TRMT44: variants seen among roughly 807,000 people sequenced by gnomAD.
TRMT44 encodes the protein probable tRNA (uracil-O(2)-)-methyltransferase.
In TRMT44, 78 loss-of-function variants were observed where a neutral mutation model predicts 77.3. The observed-to-expected ratio is 1.01, with a 90% CI of 0.84 to 1.22. The LOEUF (loss-of-function observed/expected upper bound fraction) is 1.22, where lower values mean the gene tolerates loss of function less well. Among genes scored for constraint, TRMT44 ranks in the 50% most tolerant of loss-of-function variants. TRMT44 has a pLI of 0.00. For synonymous variants in TRMT44, 391 were observed against 383.3 expected (o/e 1.02, Z -0.23); for missense variants, 1,090 against 964.4 (o/e 1.13, Z -1.73).
At position 8,441,572 on chromosome 4, in the gene TRMT44, G is replaced by C. The variant is rs2109071049; in HGVS notation, c.619+131G>C. The stretch of plus-strand genomic sequence containing the variant: ...TAGGGAGGTTGTTAGGTGTTTCATA[G>C]TTTTTTGAGTGGGCGCATAGAAATG... On this transcript the variant is annotated intron_variant, in intron 1 of 10. Transcript: ENST00000389737. 13 of 1,074,988 alleles carry C rather than the reference G, an allele frequency of 1.2e-5. 1 individual carries two copies. Among genetic ancestry groups the C allele is most frequent in the Non-Finnish European group, 1.6e-5 (13 of 792,900 alleles). 66.6% of individuals were successfully genotyped at this position (1,074,988 alleles called of 1,614,324 possible).
downstream of TRMT44, among the ~76,000 whole-genome samples, chr4:8,494,848 G>T (rs1728105866): frequency 6.6e-6 from 1 of 151,988 alleles, no homozygotes. Context: ...GGGATAAAAT[G>T]GGAGGCAGGT....
intron 2 of TRMT44, among the ~76,000 whole-genome samples, chr4:8,491,262 G>T (rs967339130): frequency 6.6e-6 from 1 of 152,192 alleles, no homozygotes. Context: ...TAAATACAGG[G>T]TGCTGATTGG....
chr4:8,490,905 G>A (rs138949920), intron 2 of TRMT44, among the ~76,000 whole-genome samples: 5 of 152,030 alleles, frequency 3.3e-5, no homozygotes, highest in South Asian at 2.1e-4. Context: ...GGTTCTCCAC[G>A]TCCCCATCAG....
rs373397521 is a variant in TRMT44 at position 8,489,687 on chromosome 4, A to G, written n.3892-3579A>G. Among the ~76,000 whole-genome samples the G allele has an allele frequency of 1.1e-4, 16 of 152,334 alleles. No homozygotes were observed. In the East Asian group the frequency reaches 2.9e-3, roughly 28 times the overall value. ...GAGATGGGGTTTCACCATGTTGGCC[A>G]GGCTGGTCTCAAACTCCTGACCTCA... On this transcript the variant is annotated intron_variant and non_coding_transcript_variant, in intron 2 of 2. Transcript: ENST00000511366.
downstream of TRMT44, chr4:8,479,384 C>T (rs1347464056): frequency 2.0e-5 from 3 of 152,036 alleles, no homozygotes. Flanking sequence ...TTTCATCATC[C>T]TGCAACATCA....
chr4:8,449,018 ATTG>A (rs1405460415), intron 2 of TRMT44, among the ~76,000 whole-genome samples: 2 of 152,092 alleles, frequency 1.3e-5, no homozygotes, highest in Non-Finnish European at 2.9e-5. Context: ...TGGACAGTGT[ATTG>A]TTATCTGGGT....
Position 8,440,903 on chromosome 4 carries a change from G to A in TRMT44, c.81G>A (p.Trp27Ter), listed in dbSNP as rs1255478712. The change falls in exon 1 of 11, where the codon TGG becomes TGA. Residue 27 changes from tryptophan (W) to a stop codon, truncating the protein, a stop_gained. Coordinates refer to ENST00000389737, the MANE Select transcript of TRMT44 (RefSeq NM_152544.3). LOFTEE classifies it high-confidence loss of function. The part of the protein sequence containing the change: ...PQGFWAAVEV[W>*]LERPQVANKR... ...GCTTCTGGGCTGCGGTCGAAGTGTGGCTGGAGAGGCCGCAGGTGGCAAACA... is the reference window on the plus strand; with the variant it reads ...GCTTCTGGGCTGCGGTCGAAGTGTGACTGGAGAGGCCGCAGGTGGCAAACA... 6.5e-7 allele frequency: 1 copy of A among 1,530,374 alleles called. No homozygotes were observed. The highest frequency in any genetic ancestry group is 2.0e-5 in the Admixed American group (1 of 50,770). 94.8% of individuals were successfully genotyped at this position (1,530,374 alleles called of 1,614,324 possible).
At chr4:8,471,413 G>A (rs138548548) in intron 10 of TRMT44, among the ~76,000 whole-genome samples, 20 of 152,248 alleles carry the variant, frequency 1.3e-4, no homozygotes, top group Admixed American at 3.9e-4. Flanking sequence ...TCTGGACCTC[G>A]TCCCATGCGA....
intron 2 of TRMT44, among the ~76,000 whole-genome samples, chr4:8,485,319 G>C (rs886518375): frequency 6.6e-6 from 1 of 152,156 alleles, no homozygotes. Flanking sequence ...AAGAATGTAC[G>C]GGTTGGGCAC....
the TRMT44 span, among the ~76,000 whole-genome samples, chr4:8,515,380 G>A: frequency 0.31 from 47,631 of 152,200 alleles, 7,722 homozygotes; most frequent in South Asian, 0.44. Flanking sequence ...GAAGGGCAGC[G>A]GTGAACAGCT....
At chr4:8,483,220 C>T (rs1487217213) in intron 2 of TRMT44, among the ~76,000 whole-genome samples, 1 of 152,164 alleles carries the variant, frequency 6.6e-6, no homozygotes, top group Admixed American at 6.5e-5. Flanking sequence ...CAGCATAGTC[C>T]TGCCAGCAAA....
downstream of TRMT44, among the ~76,000 whole-genome samples, chr4:8,497,946 G>T (rs1341914111): frequency 6.6e-6 from 1 of 152,192 alleles, no homozygotes; most frequent in East Asian, 1.9e-4. Context: ...AAAATCCCAG[G>T]GGCAGGGAGC....
the TRMT44 span, among the ~76,000 whole-genome samples, chr4:8,515,105 A>G: frequency 6.6e-6 from 1 of 152,128 alleles, no homozygotes; most frequent in Non-Finnish European, 1.5e-5. Flanking sequence ...AGCTGGGACT[A>G]CAGACGTGTG....
chr4:8,476,892 C>A (rs80022810), downstream of TRMT44: 1 of 152,038 alleles, frequency 6.6e-6, no homozygotes, highest in Non-Finnish European at 1.5e-5. Context: ...TGTAGATGCA[C>A]GCCACCATGC....
rs79205028 is a variant in TRMT44, at chr4:8,469,618, C to T, written c.1927+1272C>T. On this transcript the variant is annotated intron_variant, in intron 9 of 10. Coordinates refer to ENST00000389737, the MANE Select transcript of TRMT44 (RefSeq NM_152544.3). ...GAGGAACAGACCTGGAGATGGAGAG[C>T]GGGGATGGGTGAGCGGTGGGCTCAG... is the stretch of plus-strand genomic sequence containing the variant. Among the ~76,000 whole-genome samples, 406 of 152,270 alleles carry T rather than the reference C, an allele frequency of 2.7e-3. 18 individuals carry two copies. In the East Asian group the frequency reaches 0.064, roughly 24 times the overall value.
chr4:8,474,796 G>C (rs1052739590), intron 10 of TRMT44, among the ~76,000 whole-genome samples: 11 of 152,128 alleles, frequency 7.2e-5, no homozygotes, highest in African/African-American at 2.7e-4. Context: ...ACAAGGAAAC[G>C]GCCAAATGGG....
At chr4:8,443,145 C>A (rs1162078468) in intron 1 of TRMT44, among the ~76,000 whole-genome samples, 1 of 152,126 alleles carries the variant, frequency 6.6e-6, no homozygotes, top group Non-Finnish European at 1.5e-5. Flanking sequence ...GTCCTCTCCT[C>A]CAGGGGGCCT....
chr4:8,464,294 A>G (rs1474094668), intron 7 of TRMT44, among the ~76,000 whole-genome samples: 1 of 152,256 alleles, frequency 6.6e-6, no homozygotes, highest in Non-Finnish European at 1.5e-5. Context: ...ACCTTTTAAA[A>G]TATGACTACT....
chr4:8,469,158 A>G (rs1173384373), intron 9 of TRMT44, among the ~76,000 whole-genome samples: 2 of 152,204 alleles, frequency 1.3e-5, no homozygotes, highest in Non-Finnish European at 2.9e-5. Context: ...CTCTTGTACC[A>G]TGTGTACGTG....
Sources: gnomAD v4.1 joint callset for allele counts (sites outside exome capture counted in the v4.1 genomes callset) on GRCh38, gnomAD v4.1.1 for gene constraint, MANE v1.5 for transcripts, NCBI Gene and HGNC (gene_info 2026-07-23, HGNC 2026-07-21) for gene names.